The following AGPS variants were observed in gnomAD, a reference collection of about 807,000 sequenced individuals.
The protein encoded by AGPS is alkyldihydroxyacetonephosphate synthase, peroxisomal.
AGPS carries 26 observed loss-of-function variants against 90.7 expected under a neutral mutation model. That is an observed-to-expected ratio of 0.29 (90% CI 0.21 to 0.40). The LOEUF (loss-of-function observed/expected upper bound fraction) is 0.40, where lower values mean the gene tolerates loss of function less well. Ranked by LOEUF, AGPS falls within the 10% of genes least tolerant of loss-of-function variation. AGPS has a pLI of 1.00. For missense variants in AGPS, 540 were observed against 816.1 expected (o/e 0.66, Z 4.12); for synonymous variants, 294 against 285.3 (o/e 1.03, Z -0.31).
intron 14 of AGPS, among the ~76,000 whole-genome samples, chr2:177,505,222 T>A (rs962051986): frequency 5.3e-5 from 8 of 151,994 alleles, no homozygotes; most frequent in African/African-American, 1.9e-4. Context: ...TGAGTAAGAA[T>A]ATGATGAGTA....
intron 2 of AGPS, among the ~76,000 whole-genome samples, chr2:177,427,973 AG>A (rs1239138302): frequency 6.6e-6 from 1 of 152,110 alleles, no homozygotes; most frequent in Non-Finnish European, 1.5e-5. Context: ...GTCTCTTTGT[AG>A]GTCTCTAATA....
chr2:177,434,523 A>G lies in AGPS; in HGVS notation c.441+106A>G. 3 of 880,530 alleles carry G rather than the reference A, an allele frequency of 3.4e-6. No homozygotes were observed. The South Asian group carries it at 4.6e-5, about 14-fold the overall frequency. The allele number at this position is 880,530 out of a possible 1,614,324, so 54.5% of individuals were successfully genotyped here. On this transcript the variant is annotated intron_variant, in intron 3 of 19. Transcript: ENST00000264167. ...TTATATTGGATTTACTGCAACTGTC[A>G]TGTTTTTTGTTATAAAGCCTATTAA...
chr2:177,538,630 A>G lies in AGPS; in HGVS notation c.*435A>G, dbSNP rs1011351837. The G allele has an allele frequency of 1.2e-5, 3 of 242,264 alleles. No individual in the cohort carries two copies. Among genetic ancestry groups the G allele is most frequent in the Admixed American group, 5.2e-5 (1 of 19,140 alleles). The allele number at this position is 242,264 out of a possible 1,614,324, so 15.0% of individuals were successfully genotyped here. Reference sequence around the variant, plus strand: ...CCACTGAGGAGTGATACACGTGTACATTGTTTAAGAGCATAGTCTAGTGTG... The same window carrying G: ...CCACTGAGGAGTGATACACGTGTACGTTGTTTAAGAGCATAGTCTAGTGTG... On this transcript the variant is annotated 3_prime_UTR_variant, in exon 20 of 20. Coordinates refer to ENST00000264167, the MANE Select transcript of AGPS (RefSeq NM_003659.4).
chr2:177,535,771 C>T (rs927346633), intron 19 of AGPS, among the ~76,000 whole-genome samples: 1 of 152,140 alleles, frequency 6.6e-6, no homozygotes, highest in African/African-American at 2.4e-5. Context: ...ATTGCATAAA[C>T]CAAGATTTCT....
chr2:177,424,570 A>G (rs1686025495), intron 2 of AGPS, among the ~76,000 whole-genome samples: 1 of 152,170 alleles, frequency 6.6e-6, no homozygotes, highest in Non-Finnish European at 1.5e-5. Context: ...AGAAAGCAAT[A>G]TTTATAATGT....
chr2:177,475,615 A>G (rs1687759243), intron 10 of AGPS, among the ~76,000 whole-genome samples: 1 of 152,194 alleles, frequency 6.6e-6, no homozygotes, highest in South Asian at 2.1e-4. Context: ...AAGATTCAAC[A>G]GTTGTGTGTA....
At chr2:177,479,996 C>T (rs376167117) in intron 10 of AGPS, among the ~76,000 whole-genome samples, 2 of 152,132 alleles carry the variant, frequency 1.3e-5, no homozygotes, top group East Asian at 1.9e-4. Context: ...GCCTGACCAA[C>T]ATGGAGAAAC....
rs115721892 is a variant in AGPS at position 177,531,410 on chromosome 2, A to C, written c.1856-6664A>C. Reference sequence around the variant, plus strand: ...AATACCACTTGCAGTTGTTCCAAAGAAAATGAAATAGGCATAAATCTAGCA... The same window carrying C: ...AATACCACTTGCAGTTGTTCCAAAGCAAATGAAATAGGCATAAATCTAGCA... On this transcript the variant is annotated intron_variant, in intron 19 of 19. Coordinates refer to ENST00000264167, the MANE Select transcript of AGPS (RefSeq NM_003659.4). 3.8e-3 allele frequency among the ~76,000 whole-genome samples: 579 copies of C among 152,308 alleles called. 2 individuals are homozygous for C. The highest frequency in any genetic ancestry group is 6.7e-3 in the Non-Finnish European group (455 of 68,004).
chr2:177,517,570 G>T (rs1689056800), intron 17 of AGPS, among the ~76,000 whole-genome samples: 3 of 152,038 alleles, frequency 2.0e-5, no homozygotes, highest in Admixed American at 1.3e-4. Context: ...TTTAAGTGCA[G>T]TATACTTAGT....
At chr2:177,437,167 T>C (rs1377820950) in intron 5 of AGPS, 113 bp downstream of exon 5, 26 of 1,025,348 alleles carry the variant, frequency 2.5e-5, no homozygotes, top group Admixed American at 3.7e-5. Context: ...TAAATTGCTG[T>C]ATTTTTAAGA....
chr2:177,421,108 T>C (rs1484576097), intron 2 of AGPS, among the ~76,000 whole-genome samples: 1 of 152,046 alleles, frequency 6.6e-6, no homozygotes, highest in African/African-American at 2.4e-5. Flanking sequence ...AACGAGTTCT[T>C]TGTTGGTTTT....
At chr2:177,469,679 A>T (rs1687555035) in intron 10 of AGPS, among the ~76,000 whole-genome samples, 1 of 152,224 alleles carries the variant, frequency 6.6e-6, no homozygotes, top group Non-Finnish European at 1.5e-5. Context: ...TGCATCATCT[A>T]CAAATTAGAG....
At chr2:177,517,945 A>G (rs1408906519) in intron 17 of AGPS, among the ~76,000 whole-genome samples, 1 of 152,192 alleles carries the variant, frequency 6.6e-6, no homozygotes, top group African/African-American at 2.4e-5. Context: ...TCTTGTGATC[A>G]AATTCAAGTT....
Position 177,509,212 on chromosome 2 carries a change from A to C in AGPS, c.1607+1181A>C, listed in dbSNP as rs913917190. On this transcript the variant is annotated intron_variant, in intron 16 of 19. Coordinates refer to ENST00000264167, the MANE Select transcript of AGPS (RefSeq NM_003659.4). ...GCATTGTTAGCTAGTAACCCAGTTT[A>C]TGTTATACTATCACTCAGTCATTCA... Among the ~76,000 whole-genome samples, 7 of 152,274 alleles carry C rather than the reference A, an allele frequency of 4.6e-5. No individual in the cohort carries two copies. In the East Asian group the frequency reaches 1.4e-3, roughly 29 times the overall value.
At chr2:177,531,470 G>GA (rs2105741643) in intron 19 of AGPS, among the ~76,000 whole-genome samples, 1 of 152,144 alleles carries the variant, frequency 6.6e-6, no homozygotes, top group Non-Finnish European at 1.5e-5. Flanking sequence ...GAAAATTACA[G>GA]AATCTTGATG....
At chr2:177,479,648 GTAAGTGAAA>G (rs1445694642) in intron 10 of AGPS, among the ~76,000 whole-genome samples, 1 of 152,154 alleles carries the variant, frequency 6.6e-6, no homozygotes, top group East Asian at 1.9e-4. Flanking sequence ...AAACATTTTG[GTAAGTGAAA>G]TAAGCCAGTC....
In AGPS at chr2:177,541,033, A is replaced by G. The variant is rs533123098; in HGVS notation, c.*2838A>G. 4.6e-5 allele frequency: 7 copies of G among 152,158 alleles called. No homozygotes were observed. The highest frequency in any genetic ancestry group is 1.0e-4 in the Non-Finnish European group (7 of 68,002). 9.4% of individuals were successfully genotyped at this position (152,158 alleles called of 1,614,324 possible). On this transcript the variant is annotated 3_prime_UTR_variant, in exon 20 of 20. Coordinates refer to ENST00000264167, the MANE Select transcript of AGPS (RefSeq NM_003659.4). ...CATTTTACACAAAGAAAAGAGGATT[A>G]TATTATTTCTTCTAAGGAAGTAGGA...
At chr2:177,523,726 G>T (rs1329438946) in intron 18 of AGPS, 22 bp from the exon 19 acceptor site, 1 of 1,611,178 alleles carries the variant, frequency 6.2e-7, no homozygotes, top group Admixed American at 1.7e-5. Flanking sequence ...GCAACAATTT[G>T]TTGTGTTGTT....
chr2:177,418,774 G>A (rs1327263516), intron 1 of AGPS, among the ~76,000 whole-genome samples: 1 of 151,028 alleles, frequency 6.6e-6, no homozygotes, highest in Non-Finnish European at 1.5e-5. Flanking sequence ...AAATCTTATG[G>A]TTCAATCCCA....
Sources: allele counts gnomAD v4.1 joint callset (sites outside exome capture counted in the v4.1 genomes callset), GRCh38; gene constraint gnomAD v4.1.1; transcripts MANE v1.5; gene names NCBI Gene and HGNC (gene_info 2026-07-23, HGNC 2026-07-21).